Variants in MAST4 observed in about 807,000 individuals in gnomAD.
MAST4 encodes the protein microtubule associated serine/threonine kinase family member 4, also known as microtubule-associated serine/threonine-protein kinase 4.
Under a neutral mutation model 162.7 loss-of-function variants are expected in MAST4, and 89 were observed. That is an observed-to-expected ratio of 0.55 (90% confidence interval 0.46 to 0.65). MAST4 has a LOEUF of 0.65. Ranked by LOEUF, MAST4 falls within the 30% of genes least tolerant of loss-of-function variation. The pLI is 0.00. For synonymous variants in MAST4, 1,479 were observed against 1,361.1 expected (o/e 1.09, Z -1.91); for missense variants, 3,153 against 3,374.0 (o/e 0.93, Z 1.62).
At position 67,165,348 on chromosome 5, in the gene MAST4, G is replaced by A; in HGVS notation, c.6169G>A (p.Asp2057Asn). 7 of 1,613,724 alleles carry A rather than the reference G, an allele frequency of 4.3e-6. No homozygotes were observed. Among genetic ancestry groups the A allele is most frequent in the Non-Finnish European group, 5.9e-6 (7 of 1,179,896 alleles). Residue 2057 changes from aspartate (D) to asparagine (N), a missense_variant, in exon 29 of 29, where the codon GAC (aspartate) becomes AAC (asparagine). By Grantham distance (23) the Asp-to-Asn change is conservative (BLOSUM62 1). Around this residue, in one of 7 missense-constraint regions of MAST4, gnomAD observed 1,644 missense variants for 1,495.0 expected, o/e 1.10. Coordinates refer to ENST00000403625, the MANE Select transcript of MAST4 (RefSeq NM_001164664.2). The part of the protein sequence containing the change: ...GPGEARPPPR[D>N]NSSLHSAGIP... Reference sequence around the variant, plus strand: ...AGGTGAGGCGAGGCCCCCGCCCAGAGACAACTCCTCTCTGCACTCAGCTGG... The same window carrying A: ...AGGTGAGGCGAGGCCCCCGCCCAGAAACAACTCCTCTCTGCACTCAGCTGG...
intron 3 of MAST4, among the ~76,000 whole-genome samples, chr5:66,857,526 ATC>A (rs1405302035): frequency 6.6e-6 from 1 of 152,198 alleles, no homozygotes; most frequent in Non-Finnish European, 1.5e-5. Context: ...CTACCAGCAG[ATC>A]TGTTTTCTTT....
chr5:66,799,050 C>T lies in MAST4; in HGVS notation c.642+10256C>T, dbSNP rs1302391932. Reference sequence around the variant, plus strand: ...TTTGTTCCTGTTTTCTGGACACATTCATCTCCTTGACAGATTCACATGATG... The same window carrying T: ...TTTGTTCCTGTTTTCTGGACACATTTATCTCCTTGACAGATTCACATGATG... On this transcript the variant is annotated intron_variant, in intron 3 of 28. Coordinates refer to ENST00000403625, the MANE Select transcript of MAST4 (RefSeq NM_001164664.2). 2.0e-5 allele frequency among the ~76,000 whole-genome samples: 3 copies of T among 152,286 alleles called. No homozygotes were observed. The South Asian group carries it at 6.2e-4, about 32-fold the overall frequency.
At chr5:66,815,654 T>A (rs1218297394) in intron 3 of MAST4, among the ~76,000 whole-genome samples, 1 of 152,202 alleles carries the variant, frequency 6.6e-6, no homozygotes, top group Admixed American at 6.5e-5. Context: ...CAGATTTTAT[T>A]TTATTTTTCC....
chr5:66,788,678 C>T lies in MAST4; in HGVS notation c.526C>T (p.Leu176Phe), dbSNP rs1361803515. 5.0e-6 allele frequency: 8 copies of T among 1,600,330 alleles called. No individual in the cohort carries two copies. Among genetic ancestry groups the T allele is most frequent in the Non-Finnish European group, 6.8e-6 (8 of 1,171,830 alleles). ...CTCTTTAACTCCAACAGGGAGGTAC[C>T]TTCTTCCAAACCCGGTGGCGGGACA... ...SLGGALTGRY[L>F]LPNPVAGQAW... The change falls in exon 3 of 29, where the codon CTT becomes TTT. Residue 176 changes from leucine to phenylalanine, a missense_variant. By Grantham distance (22) the Leu-to-Phe change is conservative. Transcript: ENST00000403625.
At chr5:66,933,128 T>C (rs960010506) in intron 4 of MAST4, among the ~76,000 whole-genome samples, 10 of 152,226 alleles carry the variant, frequency 6.6e-5, no homozygotes, top group Non-Finnish European at 2.9e-5. Flanking sequence ...ACATTTAGTC[T>C]TCCATAGATT....
intron 1 of MAST4, among the ~76,000 whole-genome samples, chr5:66,705,866 G>A (rs1042502198): frequency 2.6e-5 from 4 of 152,098 alleles, no homozygotes; most frequent in African/African-American, 9.7e-5. Flanking sequence ...TGGTATGTAT[G>A]TTATTTTGTG....
At chr5:66,645,912 T>G (rs1259913790) in intron 1 of MAST4, among the ~76,000 whole-genome samples, 1 of 152,204 alleles carries the variant, frequency 6.6e-6, no homozygotes, top group Non-Finnish European at 1.5e-5. Context: ...ATTTGAAATT[T>G]TTTCCATCTT....
intron 3 of MAST4, among the ~76,000 whole-genome samples, chr5:66,828,206 C>T (rs560454173): frequency 6.6e-6 from 1 of 152,244 alleles, no homozygotes; most frequent in South Asian, 2.1e-4. Flanking sequence ...AATGAATGGG[C>T]TTTCATGCTG....
At chr5:67,151,670 G>T (rs1352475108) in intron 24 of MAST4, among the ~76,000 whole-genome samples, 1 of 150,858 alleles carries the variant, frequency 6.6e-6, no homozygotes, top group Non-Finnish European at 1.5e-5. Flanking sequence ...TAGAGAATCA[G>T]TTGTCACCAC....
chr5:66,967,817 CAGAG>C (rs1746934458), intron 4 of MAST4, among the ~76,000 whole-genome samples: 1 of 151,880 alleles, frequency 6.6e-6, no homozygotes, highest in African/African-American at 2.4e-5. Flanking sequence ...ACCAGTGTGA[CAGAG>C]AGCATCTTCA....
At chr5:66,628,148 C>G (rs1744559460) in intron 1 of MAST4, among the ~76,000 whole-genome samples, 1 of 152,056 alleles carries the variant, frequency 6.6e-6, no homozygotes, top group African/African-American at 2.4e-5. Context: ...TCCTCCCACT[C>G]TAGCCTCCCG....
chr5:67,163,265 G>T lies in MAST4; in HGVS notation c.4086G>T (p.Arg1362=). The change falls in exon 29 of 29, where the codon CGG becomes CGT. Residue 1362 remains arginine, a synonymous_variant. Coordinates refer to ENST00000403625, the MANE Select transcript of MAST4 (RefSeq NM_001164664.2). This position sits in a 1 kb window ranked among gnomAD's most constrained non-coding sequence, Gnocchi z 7.0. Reference sequence around the variant, plus strand: ...TTGCACCCAAACTCGGCGGGCAGCGGTACCGGTCCGGAAGGCGAAAGTCCG... The same window carrying T: ...TTGCACCCAAACTCGGCGGGCAGCGTTACCGGTCCGGAAGGCGAAAGTCCG... ...HGLAPKLGGQ[R]YRSGRRKSAG... is the part of the protein sequence containing the mutation. 1.9e-6 allele frequency: 3 copies of T among 1,613,494 alleles called. No individual in the cohort carries two copies. Among genetic ancestry groups the T allele is most frequent in the Non-Finnish European group, 2.5e-6 (3 of 1,179,880 alleles).
At chr5:66,778,876 T>C (rs1443110553) in intron 2 of MAST4, among the ~76,000 whole-genome samples, 1 of 152,232 alleles carries the variant, frequency 6.6e-6, no homozygotes, top group African/African-American at 2.4e-5. Context: ...GTATGTTCTG[T>C]TGTTTTTCAC....
At chr5:66,774,087 A>G (rs1754475720) in intron 2 of MAST4, among the ~76,000 whole-genome samples, 1 of 152,146 alleles carries the variant, frequency 6.6e-6, no homozygotes, top group African/African-American at 2.4e-5. Context: ...GATGGCCTGT[A>G]TTTTTGCCCT....
chr5:66,786,899 AATC>A (rs1454257926), intron 2 of MAST4, among the ~76,000 whole-genome samples: 2 of 152,266 alleles, frequency 1.3e-5, no homozygotes, highest in Middle Eastern at 3.4e-3. Flanking sequence ...GCTTGGAAAA[AATC>A]AATCTATTAT....
In MAST4 at chr5:67,118,764, T is replaced by G; in HGVS notation, c.1659+15T>G. ...AATCAGTGAGTGTAAGTATATTTCTTGATGAAATATGATGTTGGTTTTTCT... is the reference window on the plus strand; with the variant it reads ...AATCAGTGAGTGTAAGTATATTTCTGGATGAAATATGATGTTGGTTTTTCT... On this transcript the variant is annotated intron_variant, in intron 13 of 28. Coordinates refer to ENST00000403625, the MANE Select transcript of MAST4 (RefSeq NM_001164664.2). 1 of 1,437,006 alleles carries G rather than the reference T, an allele frequency of 7.0e-7. No homozygotes were observed. The highest frequency in any genetic ancestry group is 1.3e-5 in the South Asian group (1 of 79,274). The allele number at this position is 1,437,006 out of a possible 1,614,324, so 89.0% of individuals were successfully genotyped here.
chr5:66,994,536 C>T (rs1000857798), intron 4 of MAST4, among the ~76,000 whole-genome samples: 11 of 152,190 alleles, frequency 7.2e-5, no homozygotes, highest in Admixed American at 1.3e-4. Context: ...TGTTCTCATT[C>T]CTATTAACTG....
chr5:67,049,887 T>C (rs1476127345), intron 4 of MAST4, among the ~76,000 whole-genome samples: 1 of 152,180 alleles, frequency 6.6e-6, no homozygotes, highest in Non-Finnish European at 1.5e-5. Flanking sequence ...CCTGGTGGGC[T>C]TCACAGCTTT....
chr5:66,928,741 T>C (rs1765085891), intron 4 of MAST4, among the ~76,000 whole-genome samples: 1 of 152,202 alleles, frequency 6.6e-6, no homozygotes, highest in Non-Finnish European at 1.5e-5. Context: ...TGGTCAGGAC[T>C]AGGGGTCATA....
Sources: allele counts gnomAD v4.1 joint callset (sites outside exome capture counted in the v4.1 genomes callset), GRCh38; gene constraint gnomAD v4.1.1; regional missense constraint gnomAD v4.1.1; non-coding constraint Gnocchi (gnomAD v3.1); transcripts MANE v1.5; gene names NCBI Gene and HGNC (gene_info 2026-07-23, HGNC 2026-07-21).